The following GAD1 variants were observed in gnomAD, a reference collection of about 807,000 sequenced individuals.
GAD1 encodes the protein 67 kDa glutamic acid decarboxylase.
In GAD1, 35 loss-of-function variants were observed where a neutral mutation model predicts 75.2. The observed-to-expected ratio is 0.47, with a 90% CI of 0.36 to 0.62. GAD1 has a LOEUF of 0.62. Among genes scored for constraint, GAD1 ranks in the 20% least tolerant of loss-of-function variants. GAD1 has a pLI of 0.00. For missense variants in GAD1, 490 were observed against 758.5 expected, an observed-to-expected ratio of 0.65 and a Z score of 4.16; for synonymous variants, 257 against 271.9, an observed-to-expected ratio of 0.95 and a Z score of 0.54.
chr2:170,841,327 A>G (rs1431713812), intron 6 of GAD1, among the ~76,000 whole-genome samples: 3 of 152,290 alleles, frequency 2.0e-5, no homozygotes, highest in South Asian at 4.1e-4. Flanking sequence ...ATACAAAATG[A>G]TGTGCCTATC....
At chr2:170,819,322 G>C (rs1701802920) in intron 2 of GAD1, among the ~76,000 whole-genome samples, 1 of 149,070 alleles carries the variant, frequency 6.7e-6, no homozygotes, top group African/African-American at 2.6e-5. Flanking sequence ...AAATAGGGGA[G>C]CGGGCGGCAT....
chr2:170,829,358 C>T, intron 3 of GAD1, 117 bp from the exon 4 acceptor site: 1 of 1,183,248 alleles, frequency 8.5e-7, no homozygotes, highest in Admixed American at 1.7e-5. Context: ...CACAGACACT[C>T]ACTTCTTTTC....
chr2:170,858,522 T>A (rs1162941452), intron 15 of GAD1, among the ~76,000 whole-genome samples: 3 of 152,234 alleles, frequency 2.0e-5, no homozygotes, highest in African/African-American at 7.2e-5. Context: ...ATACCTTTTT[T>A]AAAAAATTGC....
intron 15 of GAD1, among the ~76,000 whole-genome samples, chr2:170,858,232 C>G (rs1192669822): frequency 2.6e-5 from 4 of 152,120 alleles, no homozygotes; most frequent in African/African-American, 7.2e-5. Context: ...GGGAAGAACT[C>G]AAAAAGCACA....
chr2:170,814,405 A>T (rs768023572), upstream of GAD1, among the ~76,000 whole-genome samples: 18 of 152,200 alleles, frequency 1.2e-4, no homozygotes, highest in Non-Finnish European at 2.4e-4. Context: ...AAAACTCAGT[A>T]ATCTGGATGG....
chr2:170,853,896 G>C lies in GAD1; in HGVS notation c.1287G>C (p.Gln429His), dbSNP rs1380124729. The C allele has an allele frequency of 6.2e-7, 1 of 1,614,028 alleles. No individual in the cohort carries two copies. Among genetic ancestry groups the C allele is most frequent in the Non-Finnish European group, 8.5e-7 (1 of 1,180,030 alleles). The change falls in exon 14 of 17, where the codon CAG becomes CAC. Residue 429 changes from glutamine to histidine, a missense_variant. By Grantham distance (24) the Gln-to-His change is conservative. Coordinates refer to ENST00000358196, the MANE Select transcript of GAD1 (RefSeq NM_000817.3). This position sits in a 1 kb window ranked among gnomAD's most constrained non-coding sequence, Gnocchi z 4.1. ...KEKGILQGCNQMCAGYLFQPD... is the reference protein window; with the variant it reads ...KEKGILQGCNHMCAGYLFQPD... ...AGGGTATACTCCAAGGATGCAACCA[G>C]ATGTGTGCAGGATACCTCTTCCAGC...
intron 5 of GAD1, among the ~76,000 whole-genome samples, chr2:170,836,448 T>A (rs1314869297): frequency 2.0e-5 from 3 of 152,204 alleles, no homozygotes; most frequent in Admixed American, 6.5e-5. Flanking sequence ...AGCTAAGTTA[T>A]CTCAGCCATA....
At position 170,831,396 on chromosome 2, in the gene GAD1, A is replaced by C. The variant is rs529835605; in HGVS notation, c.547+204A>C. ...GACCCAGGCAAAAGTTCATCAGCAT[A>C]TATCATGGTAAAAGTAGATAAAAAA... On this transcript the variant is annotated intron_variant, in intron 5 of 16. Transcript: ENST00000358196. Among the ~76,000 whole-genome samples, 130 of 152,260 alleles carry C rather than the reference A, an allele frequency of 8.5e-4. 1 individual carries two copies. The highest frequency in any genetic ancestry group is 3.4e-3 in the Middle Eastern group (1 of 294).
intron 14 of GAD1, among the ~76,000 whole-genome samples, chr2:170,856,619 A>G (rs1702858255): frequency 6.6e-6 from 1 of 152,254 alleles, no homozygotes; most frequent in Non-Finnish European, 1.5e-5. Context: ...ATTAGAGTCA[A>G]CAGACAAAAT....
chr2:170,848,074 G>A (rs1320413351), intron 11 of GAD1, among the ~76,000 whole-genome samples: 1 of 152,210 alleles, frequency 6.6e-6, no homozygotes, highest in Non-Finnish European at 1.5e-5. Flanking sequence ...GTTGGGACAA[G>A]TGGCTACAGA....
Position 170,853,884 on chromosome 2 carries a change from A to AG in GAD1, c.1277dup (p.Cys427MetfsTer17). On this transcript the variant is annotated frameshift_variant, in exon 14 of 17. Transcript: ENST00000358196. LOFTEE classifies it high-confidence loss of function. The surrounding 1 kb of genome is among the most constrained non-coding windows in gnomAD (Gnocchi z 4.1). ...AATTTCCATGATAGGGTATACTCCA[A>AG]GGATGCAACCAGATGTGTGCAGGAT... is the stretch of plus-strand genomic sequence containing the variant. 1 of 1,614,178 alleles carries AG rather than the reference A, an allele frequency of 6.2e-7. No homozygotes were observed. The highest frequency in any genetic ancestry group is 8.5e-7 in the Non-Finnish European group (1 of 1,180,006).
chr2:170,822,390 G>A (rs1053920279), intron 3 of GAD1, among the ~76,000 whole-genome samples: 1 of 152,182 alleles, frequency 6.6e-6, no homozygotes, highest in Non-Finnish European at 1.5e-5. Context: ...ACACCCAGTG[G>A]AGCGAACGCC....
At chr2:170,831,770 T>C (rs1166246772) in intron 5 of GAD1, among the ~76,000 whole-genome samples, 2 of 139,534 alleles carry the variant, frequency 1.4e-5, no homozygotes, top group Non-Finnish European at 3.1e-5. Flanking sequence ...AATATTTATA[T>C]ATAATATTTA....
At position 170,818,821 on chromosome 2, in the gene GAD1, C is replaced by A; in HGVS notation, c.82+148C>A. 1.3e-6 allele frequency: 1 copy of A among 798,940 alleles called. No individual in the cohort carries two copies. The highest frequency in any genetic ancestry group is 2.1e-6 in the Non-Finnish European group (1 of 469,426). 49.5% of individuals were successfully genotyped at this position (798,940 alleles called of 1,614,324 possible). On this transcript the variant is annotated intron_variant, in intron 2 of 16. Coordinates refer to ENST00000358196, the MANE Select transcript of GAD1 (RefSeq NM_000817.3). This position sits in a 1 kb window ranked among gnomAD's most constrained non-coding sequence, Gnocchi z 5.9. The stretch of plus-strand genomic sequence containing the variant: ...AATGGGGCTCTGACCCCGTCCCTGC[C>A]AGAGGTCATTCGGCTGTCAGGGACG...
intron 12 of GAD1, among the ~76,000 whole-genome samples, chr2:170,849,675 C>T (rs1011795085): frequency 6.6e-6 from 1 of 152,154 alleles, no homozygotes; most frequent in African/African-American, 2.4e-5. Context: ...ACAGTGAGAC[C>T]CTGTCTCTAA....
rs551792935 is a variant in GAD1, at chr2:170,853,189, T to C, written c.1263+397T>C. On this transcript the variant is annotated intron_variant, in intron 13 of 16. Coordinates refer to ENST00000358196, the MANE Select transcript of GAD1 (RefSeq NM_000817.3). The surrounding 1 kb of genome is among the most constrained non-coding windows in gnomAD (Gnocchi z 4.1). ...AGTATAAACGTGTGGTCCCAAGAACTGAAATAAATGAGACAGAACAACAAC... is the reference window on the plus strand; with the variant it reads ...AGTATAAACGTGTGGTCCCAAGAACCGAAATAAATGAGACAGAACAACAAC... 53 of 264,736 alleles carry C rather than the reference T, an allele frequency of 2.0e-4. No individual in the cohort carries two copies. Among genetic ancestry groups the C allele is most frequent in the Non-Finnish European group, 3.3e-4 (45 of 135,886 alleles). 16.4% of individuals were successfully genotyped at this position (264,736 alleles called of 1,614,324 possible).
rs956281916 is a variant in GAD1, at chr2:170,821,936, G to A, written c.83-151G>A. ...TAGAGTATATGCCTGTCGGCTCACAGATTTGGCTCCTAGCTCCTTTCAGGA... is the reference window on the plus strand; with the variant it reads ...TAGAGTATATGCCTGTCGGCTCACAAATTTGGCTCCTAGCTCCTTTCAGGA... On this transcript the variant is annotated intron_variant, in intron 2 of 16. Transcript: ENST00000358196. The A allele has an allele frequency of 9.9e-6, 7 of 705,564 alleles. No homozygotes were observed. The African/African-American group carries it at 1.2e-4, about 12-fold the overall frequency. 43.7% of individuals were successfully genotyped at this position (705,564 alleles called of 1,614,324 possible).
intron 12 of GAD1, among the ~76,000 whole-genome samples, chr2:170,851,981 G>C (rs1476241513): frequency 6.6e-6 from 1 of 152,108 alleles, no homozygotes; most frequent in Non-Finnish European, 1.5e-5. Flanking sequence ...CCCATAAGTG[G>C]GTAGGGCAGC....
chr2:170,834,992 G>A (rs893991956), intron 5 of GAD1, among the ~76,000 whole-genome samples: 4 of 151,944 alleles, frequency 2.6e-5, no homozygotes, highest in African/African-American at 7.3e-5. Flanking sequence ...GGCTGGTCTC[G>A]AACTCCTGAC....
Sources: allele counts gnomAD v4.1 joint callset (sites outside exome capture counted in the v4.1 genomes callset), GRCh38; gene constraint gnomAD v4.1.1; non-coding constraint Gnocchi (gnomAD v3.1); transcripts MANE v1.5; gene names NCBI Gene and HGNC (gene_info 2026-07-23, HGNC 2026-07-21).